EPHX2: variants seen among roughly 807,000 people sequenced by gnomAD.
EPHX2 encodes epoxide hydrolase 2, also known as bifunctional epoxide hydrolase 2.
A neutral mutation model predicts 78.7 loss-of-function variants in EPHX2; 74 were observed. That is an observed-to-expected ratio of 0.94 (90% CI 0.78 to 1.14). EPHX2 has a LOEUF of 1.14. Among genes scored for constraint, EPHX2 ranks in the 50% most tolerant of loss-of-function variants. EPHX2 has a pLI of 0.00. For missense variants in EPHX2, 715 were observed against 702.5 expected (o/e 1.02, Z -0.20); for synonymous variants, 251 against 255.2 (o/e 0.98, Z 0.16).
chr8:27,506,777 GAA>G (rs1205995684), intron 4 of EPHX2, 93 bp from the exon 5 acceptor site: 9 of 1,511,358 alleles, frequency 6.0e-6, no homozygotes, highest in Non-Finnish European at 8.0e-6. Flanking sequence ...GGTTATAAAA[GAA>G]AAAGAGTTTT....
chr8:27,538,695 A>G lies in EPHX2; in HGVS notation c.1276+3A>G, dbSNP rs1222963929. ...CATGCATAAAGTCTGTGAAGCGGGT[A>G]AGAGACATGCTTGGGAGAGCCATAT... is the stretch of plus-strand genomic sequence containing the variant. On this transcript the variant is annotated splice_donor_region_variant and intron_variant, in intron 14 of 18. Transcript: ENST00000521400. 6.2e-7 allele frequency: 1 copy of G among 1,613,810 alleles called. No individual in the cohort carries two copies. The highest frequency in any genetic ancestry group is 1.7e-5 in the Admixed American group (1 of 60,030).
rs928825343 is a variant in EPHX2, at chr8:27,510,518, C to T, written c.661-1318C>T. Among the ~76,000 whole-genome samples the T allele has an allele frequency of 2.6e-5, 4 of 152,136 alleles. No individual in the cohort carries two copies. In the East Asian group the frequency reaches 7.7e-4, roughly 29 times the overall value. Reference sequence around the variant, plus strand: ...CTATTAGGGGCTAGACTGTGTCCCCCAAAATTAATACAGTGAAGTCCTAAC... The same window carrying T: ...CTATTAGGGGCTAGACTGTGTCCCCTAAAATTAATACAGTGAAGTCCTAAC... On this transcript the variant is annotated intron_variant, in intron 5 of 18. Coordinates refer to ENST00000521400, the MANE Select transcript of EPHX2 (RefSeq NM_001979.6).
At chr8:27,547,307 A>C (rs563364883), downstream of EPHX2, among the ~76,000 whole-genome samples, 1 of 152,314 alleles carries the variant, frequency 6.6e-6, no homozygotes, top group African/African-American at 2.4e-5. Flanking sequence ...CAACTGTTGC[A>C]GTGGTGGTAT....
intron 7 of EPHX2, 114 bp from the exon 8 acceptor site, chr8:27,516,206 C>A: frequency 9.4e-7 from 1 of 1,061,534 alleles, no homozygotes; most frequent in Non-Finnish European, 1.4e-6. Flanking sequence ...GGGTAGTGCC[C>A]TGTGGCTCTT....
Position 27,543,766 on chromosome 8 carries a change from G to T in EPHX2, c.1467G>T (p.Leu489=). The change falls in exon 17 of 19, where the codon CTG becomes CTT. Residue 489 remains leucine (L), a synonymous_variant. Transcript: ENST00000521400. The stretch of plus-strand genomic sequence containing the variant: ...CCCCCCAGATCCTGATTCCGGCCCT[G>T]ATGGTCACGGCGGAGAAGGACTTCG... ...SLGRKILIPA[L]MVTAEKDFVL... The T allele has an allele frequency of 1.2e-6, 2 of 1,614,072 alleles. No individual in the cohort carries two copies. The highest frequency in any genetic ancestry group is 1.7e-6 in the Non-Finnish European group (2 of 1,180,006).
chr8:27,516,246 T>C, intron 7 of EPHX2, 74 bp from the exon 8 acceptor site: 1 of 1,381,410 alleles, frequency 7.2e-7, no homozygotes, highest in Non-Finnish European at 1.0e-6. Context: ...AAGAAGGGGA[T>C]GGAGGGAAGC....
chr8:27,497,687 C>T (rs1469430956), intron 1 of EPHX2, among the ~76,000 whole-genome samples: 4 of 152,166 alleles, frequency 2.6e-5, no homozygotes, highest in Admixed American at 2.6e-4. Flanking sequence ...AGTCAGGTGA[C>T]AGGGGAGTAT....
chr8:27,507,591 CAG>C (rs910387854), intron 5 of EPHX2, among the ~76,000 whole-genome samples: 2 of 152,208 alleles, frequency 1.3e-5, no homozygotes, highest in African/African-American at 4.8e-5. Context: ...CCTGTGAGCA[CAG>C]GGGAGAAGAG....
intron 5 of EPHX2, among the ~76,000 whole-genome samples, chr8:27,509,498 G>A (rs1231385689): frequency 1.3e-5 from 2 of 152,062 alleles, no homozygotes; most frequent in African/African-American, 2.4e-5. Flanking sequence ...AGGCTGGAGT[G>A]CAGTGGCACA....
At chr8:27,542,338 G>C (rs879414098) in intron 16 of EPHX2, among the ~76,000 whole-genome samples, 1 of 152,154 alleles carries the variant, frequency 6.6e-6, no homozygotes, top group Non-Finnish European at 1.5e-5. Flanking sequence ...ATCCCTGTGT[G>C]ACCCTGGGAA....
At chr8:27,540,489 C>T (rs1815362012) in intron 14 of EPHX2, 65 bp from the exon 15 acceptor site, 1 of 1,432,394 alleles carries the variant, frequency 7.0e-7, no homozygotes, top group Non-Finnish European at 9.8e-7. Flanking sequence ...GCAATGAGGT[C>T]CCCACCTTAA....
At chr8:27,546,526 T>A (rs539576331), downstream of EPHX2, among the ~76,000 whole-genome samples, 1 of 152,312 alleles carries the variant, frequency 6.6e-6, no homozygotes, top group East Asian at 1.9e-4. Context: ...TTACACCAGA[T>A]CACATTATTT....
chr8:27,519,773 G>A (rs1032462643), intron 9 of EPHX2, among the ~76,000 whole-genome samples: 7 of 152,114 alleles, frequency 4.6e-5, no homozygotes, highest in African/African-American at 9.7e-5. Flanking sequence ...CTCGGCCTCC[G>A]GTGCCAGCAC....
At chr8:27,516,947 T>C (rs1814479752) in intron 8 of EPHX2, among the ~76,000 whole-genome samples, 1 of 135,450 alleles carries the variant, frequency 7.4e-6, no homozygotes, top group South Asian at 2.4e-4. Flanking sequence ...TGAGACGGAG[T>C]CTCACTCTGT....
chr8:27,510,788 T>TA (rs879735636), intron 5 of EPHX2, among the ~76,000 whole-genome samples: 48 of 145,412 alleles, frequency 3.3e-4, no homozygotes, highest in Admixed American at 5.5e-4. Context: ...ATCCTGTCTT[T>TA]AAAAAAAAAA....
intron 16 of EPHX2, among the ~76,000 whole-genome samples, chr8:27,542,443 G>A (rs545394895): frequency 9.1e-4 from 139 of 152,274 alleles, no homozygotes; most frequent in Admixed American, 1.9e-3. Flanking sequence ...AGGATGAAAT[G>A]GTTGAAGGCA....
At position 27,522,524 on chromosome 8, in the gene EPHX2, G is replaced by A. The variant is rs369123670; in HGVS notation, c.1058+16G>A. ...AGAGAGTGAGGTAATTGGGCCTCGG[G>A]CAATAAAGATTTGGAGGAGGCTGGA... On this transcript the variant is annotated intron_variant, in intron 11 of 18. Transcript: ENST00000521400. 69 of 1,612,300 alleles carry A rather than the reference G, an allele frequency of 4.3e-5. No homozygotes were observed. In the African/African-American group the frequency reaches 8.0e-4, roughly 19 times the overall value.
chr8:27,528,136 C>T (rs1302336081), intron 12 of EPHX2, among the ~76,000 whole-genome samples: 2 of 152,204 alleles, frequency 1.3e-5, no homozygotes, highest in African/African-American at 2.4e-5. Context: ...TTAGTAATTA[C>T]AGCCCTTGTC....
intron 1 of EPHX2, among the ~76,000 whole-genome samples, chr8:27,494,839 T>C (rs1345755293): frequency 6.6e-6 from 1 of 152,240 alleles, no homozygotes; most frequent in Admixed American, 6.5e-5. Context: ...TGAGTACCTT[T>C]CCCTCTTCTG....
Sources: allele counts gnomAD v4.1 joint callset (sites outside exome capture counted in the v4.1 genomes callset), GRCh38; gene constraint gnomAD v4.1.1; transcripts MANE v1.5; gene names NCBI Gene and HGNC (gene_info 2026-07-23, HGNC 2026-07-21).